Variants in TAOK1 observed in about 807,000 individuals in gnomAD.
TAOK1 encodes the protein TAO kinase 1.
In TAOK1, 21 loss-of-function variants were observed where a neutral mutation model predicts 138.3. The observed-to-expected ratio is 0.15, with a 90% CI of 0.11 to 0.22. The LOEUF is 0.22. TAOK1 is among the 10% of genes least tolerant of loss of function. The pLI, the probability that TAOK1 is intolerant of heterozygous loss-of-function variation, is 1.00. For synonymous variants in TAOK1, 361 were observed against 398.4 expected (o/e 0.91, Z 1.12); for missense variants, 651 against 1,227.7 (o/e 0.53, Z 7.02).
At chr17:29,504,276 C>CAAAA (rs71138826) in intron 13 of TAOK1, among the ~76,000 whole-genome samples, 5,925 of 40,788 alleles carry the variant, frequency 0.15, 562 homozygotes, top group Non-Finnish European at 0.18. Context: ...GACCCTGTCT[C>CAAAA]AAAAAAAAAA....
intron 18 of TAOK1, 34 bp from the exon 19 acceptor site, chr17:29,534,084 A>T (rs778326470): frequency 3.1e-5 from 49 of 1,557,820 alleles, no homozygotes; most frequent in Non-Finnish European, 4.2e-5. Flanking sequence ...ATTAGGATAT[A>T]TCTTTTTTTT....
At chr17:29,416,500 A>G (rs1173960646) in intron 1 of TAOK1, among the ~76,000 whole-genome samples, 1 of 152,178 alleles carries the variant, frequency 6.6e-6, no homozygotes, top group Admixed American at 6.6e-5. Flanking sequence ...GAAAAGGGGC[A>G]GTTATACATT....
chr17:29,402,489 G>A (rs1190040796), intron 1 of TAOK1, among the ~76,000 whole-genome samples: 1 of 151,952 alleles, frequency 6.6e-6, no homozygotes, highest in Non-Finnish European at 1.5e-5. Context: ...ATTTTTTGTA[G>A]AGATTAGGTT....
rs35111957 is a variant in TAOK1 at position 29,540,350 on chromosome 17, TTTTG to T, written c.2545-2183_2545-2180del. Among the ~76,000 whole-genome samples, 376 of 149,912 alleles carry T rather than the reference TTTTG, an allele frequency of 2.5e-3. 2 individuals carry two copies. The East Asian group carries it at 0.034, about 14-fold the overall frequency. Reference sequence around the variant, plus strand: ...CAAACCGTTCAATACTTTTTTCTGTTTTTGTTTGTTTGTTTGTTTGTTTGTTTGT... The same window carrying T: ...CAAACCGTTCAATACTTTTTTCTGTTTTTGTTTGTTTGTTTGTTTGTTTGT... On this transcript the variant is annotated intron_variant, in intron 19 of 19. Transcript: ENST00000261716.
At chr17:29,444,957 A>G (rs2153023704) in intron 1 of TAOK1, among the ~76,000 whole-genome samples, 1 of 152,284 alleles carries the variant, frequency 6.6e-6, no homozygotes, top group African/African-American at 2.4e-5. Flanking sequence ...TTTTCTCTGT[A>G]CACAATAATA....
At position 29,547,088 on chromosome 17, in the gene TAOK1, A is replaced by G. The variant is rs562161440; in HGVS notation, c.*4066A>G. The G allele has an allele frequency of 2.0e-5, 3 of 152,298 alleles. No individual in the cohort carries two copies. Among genetic ancestry groups the G allele is most frequent in the Middle Eastern group, 6.8e-3 (2 of 294 alleles). The allele number at this position is 152,298 out of a possible 1,614,324, so 9.4% of individuals were successfully genotyped here. On this transcript the variant is annotated 3_prime_UTR_variant, in exon 20 of 20. Coordinates refer to ENST00000261716, the MANE Select transcript of TAOK1 (RefSeq NM_020791.4). ...TAATGCAGAGAGAAATGAACCATGGAAAGTAAGAACACTGATGGTGATTCC... is the reference window on the plus strand; with the variant it reads ...TAATGCAGAGAGAAATGAACCATGGGAAGTAAGAACACTGATGGTGATTCC...
At position 29,505,719 on chromosome 17, in the gene TAOK1, A is replaced by G. The variant is rs573490076; in HGVS notation, c.1339-2177A>G. ...CTTCGTCTCAAAAAATAAAAAAAAGAAATCAGGAGTTCAAGACCAGCCTGG... is the reference window on the plus strand; with the variant it reads ...CTTCGTCTCAAAAAATAAAAAAAAGGAATCAGGAGTTCAAGACCAGCCTGG... On this transcript the variant is annotated intron_variant, in intron 13 of 19. Coordinates refer to ENST00000261716, the MANE Select transcript of TAOK1 (RefSeq NM_020791.4). Among the ~76,000 whole-genome samples, 132 of 152,044 alleles carry G rather than the reference A, an allele frequency of 8.7e-4. 2 individuals carry two copies. The highest frequency in any genetic ancestry group is 2.2e-3 in the African/African-American group (91 of 41,460).
chr17:29,446,555 T>C (rs973606170), intron 1 of TAOK1, among the ~76,000 whole-genome samples: 7 of 152,208 alleles, frequency 4.6e-5, no homozygotes, highest in East Asian at 1.9e-4. Context: ...TTTTAGTTTT[T>C]ATTCAGTTCA....
intron 2 of TAOK1, among the ~76,000 whole-genome samples, chr17:29,460,286 G>A (rs982745427): frequency 3.3e-5 from 5 of 152,118 alleles, no homozygotes; most frequent in African/African-American, 1.2e-4. Flanking sequence ...TCACCTCCCG[G>A]GTTCATGCAA....
intron 1 of TAOK1, among the ~76,000 whole-genome samples, chr17:29,446,502 A>G (rs769470539): frequency 6.6e-6 from 1 of 152,050 alleles, no homozygotes; most frequent in Non-Finnish European, 1.5e-5. Context: ...TGGCCTCCCA[A>G]AGTGCTGAGA....
chr17:29,468,953 T>G (rs2030747632), intron 3 of TAOK1, among the ~76,000 whole-genome samples: 1 of 152,224 alleles, frequency 6.6e-6, no homozygotes, highest in Non-Finnish European at 1.5e-5. Flanking sequence ...GTATAACAAT[T>G]TGAAAAATTA....
At chr17:29,467,046 A>C (rs2030685283) in intron 2 of TAOK1, 99 bp from the exon 3 acceptor site, 2 of 793,158 alleles carry the variant, frequency 2.5e-6, no homozygotes, top group Non-Finnish European at 3.8e-6. Context: ...GTCCTTTTTG[A>C]CATGGTAGTT....
rs183974145 is a variant in TAOK1 at position 29,457,029 on chromosome 17, G to A, written c.132+5349G>A. Among the ~76,000 whole-genome samples, 6 of 147,758 alleles carry A rather than the reference G, an allele frequency of 4.1e-5. 1 individual carries two copies. The highest frequency in any genetic ancestry group is 1.6e-4 in the African/African-American group (6 of 38,356). Reference sequence around the variant, plus strand: ...ATTACAGGCGTGAGCCACAGCATCTGGCCATATAGTTCTATTTCTGTAACG... The same window carrying A: ...ATTACAGGCGTGAGCCACAGCATCTAGCCATATAGTTCTATTTCTGTAACG... On this transcript the variant is annotated intron_variant, in intron 2 of 19. Coordinates refer to ENST00000261716, the MANE Select transcript of TAOK1 (RefSeq NM_020791.4).
At chr17:29,408,595 G>T (rs1905059667) in intron 1 of TAOK1, among the ~76,000 whole-genome samples, 2 of 152,080 alleles carry the variant, frequency 1.3e-5, no homozygotes, top group Middle Eastern at 3.4e-3. Context: ...ACAGATCAGT[G>T]GCTGTAACAA....
chr17:29,498,255 A>T, intron 11 of TAOK1, 63 bp from the exon 12 acceptor site: 1 of 1,567,260 alleles, frequency 6.4e-7, no homozygotes, highest in Non-Finnish European at 8.8e-7. Context: ...CTTATAGTCA[A>T]GAATTCAGAA....
chr17:29,450,545 C>G (rs2030204655), intron 1 of TAOK1, among the ~76,000 whole-genome samples: 1 of 150,960 alleles, frequency 6.6e-6, no homozygotes, highest in Admixed American at 6.6e-5. Flanking sequence ...AGGATCTCAC[C>G]CTGTTGCCCA....
chr17:29,496,680 C>T (rs1198840257), intron 11 of TAOK1, among the ~76,000 whole-genome samples: 1 of 150,390 alleles, frequency 6.6e-6, no homozygotes, highest in East Asian at 2.0e-4. Context: ...CTCCACCTCC[C>T]GGGTTCAAGC....
At chr17:29,405,932 T>C (rs1169380525) in intron 1 of TAOK1, among the ~76,000 whole-genome samples, 2 of 152,166 alleles carry the variant, frequency 1.3e-5, no homozygotes, top group Non-Finnish European at 2.9e-5. Flanking sequence ...CACATCTGTA[T>C]TTATTAATAC....
At chr17:29,505,878 T>C (rs958314276) in intron 13 of TAOK1, among the ~76,000 whole-genome samples, 4 of 152,148 alleles carry the variant, frequency 2.6e-5, no homozygotes, top group African/African-American at 7.2e-5. Flanking sequence ...AAGGCTGCAG[T>C]GAGCTGAGAT....
Sources: allele counts gnomAD v4.1 joint callset (sites outside exome capture counted in the v4.1 genomes callset), GRCh38; gene constraint gnomAD v4.1.1; transcripts MANE v1.5; gene names NCBI Gene and HGNC (gene_info 2026-07-23, HGNC 2026-07-21).